The following RBM41 variants were observed in gnomAD, a reference collection of about 807,000 sequenced individuals.
The protein encoded by RBM41 is RNA-binding protein 41.
In RBM41, 14 loss-of-function variants were observed where a neutral mutation model predicts 30.8. The observed-to-expected ratio is 0.45, with a 90% CI of 0.30 to 0.71. The LOEUF is 0.71. Among genes scored for constraint, RBM41 ranks in the 30% least tolerant of loss-of-function variants. The pLI is 0.08. For missense variants in RBM41, 276 were observed against 326.3 expected (o/e 0.85, Z 1.19); for synonymous variants, 120 against 110.1 (o/e 1.09, Z -0.56).
intron 5 of RBM41, among the ~76,000 whole-genome samples, chrX:107,098,891 C>T (rs1297732064): frequency 3.6e-5 from 4 of 110,027 alleles, no homozygotes; most frequent in Non-Finnish European, 7.6e-5. Flanking sequence ...ATCTCAGCTA[C>T]TTGGGAGGCT....
downstream of RBM41, among the ~76,000 whole-genome samples, chrX:107,058,626 C>T (rs772488423): frequency 9.8e-5 from 11 of 111,876 alleles, no homozygotes; most frequent in African/African-American, 3.6e-4. Flanking sequence ...AACCATTATA[C>T]TGTTCCGTAA....
intron 5 of RBM41, among the ~76,000 whole-genome samples, chrX:107,105,810 G>A (rs1376162033): frequency 9.0e-6 from 1 of 111,671 alleles, no homozygotes; most frequent in African/African-American, 3.3e-5. Context: ...AAACTGGCTA[G>A]CCATATGTAG....
chrX:107,083,311 T>A (rs1921717127), intron 6 of RBM41, among the ~76,000 whole-genome samples: 1 of 111,484 alleles, frequency 9.0e-6, no homozygotes, highest in Non-Finnish European at 1.9e-5. Context: ...AGGTAAAGTG[T>A]TTATTTTCTC....
At chrX:107,076,217 T>C (rs1252040283) in intron 6 of RBM41, among the ~76,000 whole-genome samples, 1 of 108,946 alleles carries the variant, frequency 9.2e-6, no homozygotes, top group Non-Finnish European at 1.9e-5. Flanking sequence ...CATGGGAGGC[T>C]GTGACAGGAG....
At chrX:107,055,692 C>A in the RBM41 span, among the ~76,000 whole-genome samples, 1 of 112,240 alleles carries the variant, frequency 8.9e-6, no homozygotes, top group Admixed American at 9.4e-5. Flanking sequence ...TTTTGAACAG[C>A]CAATCTGTTT....
chrX:107,085,889 A>G (rs1182012926), intron 6 of RBM41, among the ~76,000 whole-genome samples: 1 of 112,286 alleles, frequency 8.9e-6, no homozygotes, highest in Non-Finnish European at 1.9e-5. Flanking sequence ...TTGCTCAACA[A>G]AAGACATCAG....
intron 6 of RBM41, among the ~76,000 whole-genome samples, chrX:107,075,235 T>C (rs894702088): frequency 8.9e-6 from 1 of 112,144 alleles, no homozygotes; most frequent in Non-Finnish European, 1.9e-5. Context: ...ACCCTTATCT[T>C]ACGCCATACA....
At chrX:107,085,272 T>A (rs1444805867) in intron 6 of RBM41, among the ~76,000 whole-genome samples, 3 of 105,697 alleles carry the variant, frequency 2.8e-5, no homozygotes, top group African/African-American at 1.0e-4. Flanking sequence ...TTTTTTTTTT[T>A]TTTTGAGACA....
At chrX:107,069,205 T>C in intron 7 of RBM41, 50 bp downstream of exon 7, 1 of 1,068,184 alleles carries the variant, frequency 9.4e-7, no homozygotes, top group South Asian at 2.1e-5. Flanking sequence ...ATAGGTAATC[T>C]CTAGCGAACT....
rs12687103 is a variant in RBM41, at chrX:107,063,672, C to T, written c.*3855G>A. ...GCCTTCATAATCTTTTTTATTTCTA[C>T]AAGTTCAGTTGAAATGTTCCCTCCT... On this transcript the variant is annotated 3_prime_UTR_variant, in exon 8 of 8. Transcript: ENST00000685964. 1.9e-4 allele frequency among the ~76,000 whole-genome samples: 21 copies of T among 111,394 alleles called. 1 individual carries two copies. The East Asian group carries it at 5.6e-3, about 30-fold the overall frequency.
At chrX:107,117,698 T>A (rs1924985478) in intron 1 of RBM41, among the ~76,000 whole-genome samples, 1 of 111,868 alleles carries the variant, frequency 8.9e-6, no homozygotes, top group African/African-American at 3.3e-5. Flanking sequence ...ACTAGGAACA[T>A]TTTGTTTAGG....
the RBM41 span, among the ~76,000 whole-genome samples, chrX:107,054,022 A>AG: frequency 2.7e-5 from 3 of 111,036 alleles, no homozygotes; most frequent in African/African-American, 9.8e-5. Context: ...CGTTCTTCAT[A>AG]GAAACTCTTG....
At chrX:107,068,920 G>A (rs183720073) in intron 7 of RBM41, among the ~76,000 whole-genome samples, 3 of 112,015 alleles carry the variant, frequency 2.7e-5, no homozygotes, top group Non-Finnish European at 5.6e-5. Context: ...CCAAGTACAT[G>A]TGTTCTGATC....
chrX:107,054,388 G>A, the RBM41 span, among the ~76,000 whole-genome samples: 5 of 111,516 alleles, frequency 4.5e-5, no homozygotes, highest in Admixed American at 4.8e-4. Context: ...ACCTGTGTAA[G>A]GACTCCTAGA....
At chrX:107,080,477 T>C (rs749092764) in intron 6 of RBM41, among the ~76,000 whole-genome samples, 1 of 110,940 alleles carries the variant, frequency 9.0e-6, no homozygotes, top group Admixed American at 9.6e-5. Context: ...ACTTGGGAAG[T>C]TGAAGTAGGA....
At position 107,069,346 on chromosome X, in the gene RBM41, C is replaced by T. The variant is rs781148580; in HGVS notation, c.1056G>A (p.Leu352=). The T allele has an allele frequency of 2.9e-5, 35 of 1,208,661 alleles. No individual in the cohort carries two copies. Among genetic ancestry groups the T allele is most frequent in the Middle Eastern group, 4.7e-4 (2 of 4,285 alleles). Residue 352 remains leucine, a synonymous_variant, in exon 7 of 8, where the codon TTG becomes TTA. Coordinates refer to ENST00000685964, the MANE Select transcript of RBM41 (RefSeq NM_001324242.2). ...CTTTTTTCTCCTGGAACCGAGCGAA[C>T]AATGACACAAGATCTCTTTCAGTCA... ...PRVTERDLVS[L]FARFQEKKGP...
At chrX:107,084,142 A>AC (rs1448515018) in intron 6 of RBM41, among the ~76,000 whole-genome samples, 1 of 108,902 alleles carries the variant, frequency 9.2e-6, no homozygotes, top group African/African-American at 3.3e-5. Flanking sequence ...TACAAAAAAA[A>AC]AAAAAAACAA....
At chrX:107,087,146 T>G (rs1922106308) in intron 6 of RBM41, among the ~76,000 whole-genome samples, 1 of 111,497 alleles carries the variant, frequency 9.0e-6, no homozygotes, top group Non-Finnish European at 1.9e-5. Context: ...CTATAATGCT[T>G]TATTATTTTT....
rs1259638551 is a variant in RBM41 at position 107,063,816 on chromosome X, T to C, written c.*3711A>G. On this transcript the variant is annotated 3_prime_UTR_variant, in exon 8 of 8. Transcript: ENST00000685964. ...TTTGGTTGCATTGATTTTTCTCTAC[T>C]TTTCTTCACTCTATTTCATTTATTC... Among the ~76,000 whole-genome samples, 1 of 111,112 alleles carries C rather than the reference T, an allele frequency of 9.0e-6. No homozygotes were observed. Among genetic ancestry groups the C allele is most frequent in the Non-Finnish European group, 1.9e-5 (1 of 53,035 alleles).
Sources: allele counts gnomAD v4.1 joint callset (sites outside exome capture counted in the v4.1 genomes callset), GRCh38; gene constraint gnomAD v4.1.1; transcripts MANE v1.5; gene names NCBI Gene and HGNC (gene_info 2026-07-23, HGNC 2026-07-21).